Variants in RGS7 observed in about 807,000 individuals in gnomAD.
RGS7 encodes the protein regulator of G protein signaling 7, also known as regulator of G-protein signaling 7.
In RGS7, 27 loss-of-function variants were observed where a neutral mutation model predicts 81.1. The observed-to-expected ratio is 0.33, with a 90% CI of 0.25 to 0.46. The LOEUF (loss-of-function observed/expected upper bound fraction) is 0.46. Among genes scored for constraint, RGS7 ranks in the 20% least tolerant of loss-of-function variants. RGS7 has a pLI of 1.00. For synonymous variants in RGS7, 208 were observed against 207.7 expected (o/e 1.00, Z -0.01); for missense variants, 396 against 607.4 (o/e 0.65, Z 3.66).
intron 2 of RGS7, among the ~76,000 whole-genome samples, chr1:241,176,683 A>G (rs2071171894): frequency 6.6e-6 from 1 of 152,114 alleles, no homozygotes; most frequent in Non-Finnish European, 1.5e-5. Flanking sequence ...AGTCACCCCC[A>G]TTACAGGAAA....
At chr1:241,078,089 A>G (rs2062908965) in intron 3 of RGS7, among the ~76,000 whole-genome samples, 1 of 149,470 alleles carries the variant, frequency 6.7e-6, no homozygotes. Context: ...ATATATATTT[A>G]TAGATCTCCA....
intron 3 of RGS7, among the ~76,000 whole-genome samples, chr1:241,086,070 C>T (rs886835067): frequency 1.3e-5 from 2 of 152,128 alleles, no homozygotes; most frequent in African/African-American, 2.4e-5. Flanking sequence ...TCATCTTTAG[C>T]GACTTGATTT....
At chr1:241,319,128 A>C (rs569751732) in intron 2 of RGS7, among the ~76,000 whole-genome samples, 51 of 152,286 alleles carry the variant, frequency 3.3e-4, no homozygotes, top group African/African-American at 1.2e-3. Context: ...CCCTCTGGAC[A>C]CTGTAGTATG....
chr1:241,064,553 A>G (rs1413675804), intron 3 of RGS7, among the ~76,000 whole-genome samples: 1 of 151,808 alleles, frequency 6.6e-6, no homozygotes, highest in Non-Finnish European at 1.5e-5. Flanking sequence ...CTGCATTCAT[A>G]CCTGGCAACA....
intron 6 of RGS7, among the ~76,000 whole-genome samples, chr1:240,874,389 C>T (rs1665003837): frequency 6.6e-6 from 1 of 152,074 alleles, no homozygotes; most frequent in Non-Finnish European, 1.5e-5. Flanking sequence ...ACTGAGGCCT[C>T]TGATCCTCCT....
chr1:240,824,955 C>G (rs1378760302), intron 10 of RGS7, among the ~76,000 whole-genome samples: 1 of 152,178 alleles, frequency 6.6e-6, no homozygotes, highest in Non-Finnish European at 1.5e-5. Context: ...CAGGAAGAGA[C>G]ACTCCACAGG....
At chr1:241,040,978 G>A (rs1234630441) in intron 3 of RGS7, among the ~76,000 whole-genome samples, 1 of 152,042 alleles carries the variant, frequency 6.6e-6, no homozygotes, top group Non-Finnish European at 1.5e-5. Flanking sequence ...GAGTGTGTAC[G>A]GGTGCATAAT....
intron 2 of RGS7, among the ~76,000 whole-genome samples, chr1:241,180,787 A>G (rs564923022): frequency 2.0e-5 from 3 of 152,356 alleles, no homozygotes; most frequent in Admixed American, 1.3e-4. Flanking sequence ...ATAGGACAGC[A>G]GCGCACGGGA....
chr1:241,269,224 C>T (rs897750296), intron 2 of RGS7, among the ~76,000 whole-genome samples: 1 of 152,230 alleles, frequency 6.6e-6, no homozygotes, highest in Non-Finnish European at 1.5e-5. Context: ...TGTAACCAGC[C>T]TAGACGCCTT....
In RGS7 at chr1:240,776,216, G is replaced by A. The variant is rs1272362328; in HGVS notation, c.*7-3C>T. On this transcript the variant is annotated splice_polypyrimidine_tract_variant and splice_region_variant and intron_variant, in intron 18 of 18. Coordinates refer to ENST00000440928, the MANE Select transcript of RGS7 (RefSeq NM_001364886.1). ...CTCTTGGACGTGAGAGATTTCCCCT[G>A]AGAAAATATATAAAACAAGAGAAAA... The A allele has an allele frequency of 1.9e-6, 3 of 1,604,216 alleles. No individual in the cohort carries two copies. Among genetic ancestry groups the A allele is most frequent in the African/African-American group, 1.3e-5 (1 of 74,690 alleles).
chr1:241,240,830 T>C (rs966092171), intron 2 of RGS7, among the ~76,000 whole-genome samples: 22 of 152,042 alleles, frequency 1.4e-4, no homozygotes, highest in African/African-American at 5.3e-4. Flanking sequence ...AATATTAAAG[T>C]AAATAAATCC....
chr1:240,825,393 GA>G (rs1692625076), intron 10 of RGS7, among the ~76,000 whole-genome samples: 1 of 152,172 alleles, frequency 6.6e-6, no homozygotes, highest in African/African-American at 2.4e-5. Flanking sequence ...TATCATCTGC[GA>G]AGATTCTAGC....
chr1:241,149,227 C>T (rs1338705627), intron 2 of RGS7, among the ~76,000 whole-genome samples: 2 of 151,842 alleles, frequency 1.3e-5, no homozygotes, highest in Admixed American at 6.6e-5. Flanking sequence ...AGTGCAGTGG[C>T]GCAATCTCGG....
intron 2 of RGS7, among the ~76,000 whole-genome samples, chr1:241,311,371 G>A (rs1488125476): frequency 6.6e-6 from 1 of 152,168 alleles, no homozygotes; most frequent in Non-Finnish European, 1.5e-5. Flanking sequence ...TGTTTCACTA[G>A]TTAATTGGCT....
At chr1:241,159,952 T>C (rs1288483189) in intron 2 of RGS7, among the ~76,000 whole-genome samples, 1 of 151,772 alleles carries the variant, frequency 6.6e-6, no homozygotes, top group Admixed American at 6.6e-5. Flanking sequence ...TTAAGTAATA[T>C]GGGCTTGAGG....
intron 14 of RGS7, 70 bp from the exon 15 acceptor site, chr1:240,806,396 G>A: frequency 6.8e-7 from 1 of 1,459,994 alleles, no homozygotes; most frequent in Non-Finnish European, 9.6e-7. Context: ...GACATTTACG[G>A]ATCATGCAGT....
chr1:241,061,538 G>A (rs888772834), intron 3 of RGS7, among the ~76,000 whole-genome samples: 1 of 152,112 alleles, frequency 6.6e-6, no homozygotes, highest in Non-Finnish European at 1.5e-5. Context: ...CAATAAAAGG[G>A]ACCTCTTAAA....
rs1411981006 is a variant in RGS7 at position 240,801,446 on chromosome 1, T to G, written c.1413+9A>C. ...AATGATTCATAATTCCTCAAAAAAT[T>G]AAACTTACCACATTCTGTGCAAATT... On this transcript the variant is annotated intron_variant, in intron 17 of 18. Transcript: ENST00000440928. 6.3e-7 allele frequency: 1 copy of G among 1,582,020 alleles called. No homozygotes were observed. Among genetic ancestry groups the G allele is most frequent in the South Asian group, 1.1e-5 (1 of 89,644 alleles).
intron 9 of RGS7, among the ~76,000 whole-genome samples, chr1:240,844,510 C>A (rs988124965): frequency 2.6e-5 from 4 of 152,168 alleles, no homozygotes; most frequent in Non-Finnish European, 5.9e-5. Context: ...GATAAAAGCA[C>A]CAACTTAATA....
Sources: allele counts gnomAD v4.1 joint callset (sites outside exome capture counted in the v4.1 genomes callset), GRCh38; gene constraint gnomAD v4.1.1; transcripts MANE v1.5; gene names NCBI Gene and HGNC (gene_info 2026-07-23, HGNC 2026-07-21).